The following TACC1 variants were observed in gnomAD, a reference collection of about 807,000 sequenced individuals.
TACC1 encodes the protein transforming acidic coiled-coil-containing protein 1.
TACC1 carries 48 observed loss-of-function variants against 84.4 expected under a neutral mutation model. That is an observed-to-expected ratio of 0.57 (90% CI 0.45 to 0.72). The LOEUF (loss-of-function observed/expected upper bound fraction) is 0.72. Among genes scored for constraint, TACC1 ranks in the 30% least tolerant of loss-of-function variants. The pLI, the probability that TACC1 is intolerant of heterozygous loss-of-function variation, is 0.00. For missense variants in TACC1, 920 were observed against 973.0 expected, an observed-to-expected ratio of 0.95 and a Z score of 0.72; for synonymous variants, 372 against 376.3, an observed-to-expected ratio of 0.99 and a Z score of 0.13.
At chr8:38,805,514 TTCAGTAC>T (rs1822471326) in intron 2 of TACC1, 1 of 152,362 alleles carries the variant, frequency 6.6e-6, no homozygotes, top group African/African-American at 2.4e-5. Context: ...TTTCCCCTGA[TTCAGTAC>T]TCAGCTGGTC....
chr8:38,757,952 G>T (rs1810441205), intron 3 of TACC1, among the ~76,000 whole-genome samples: 1 of 152,136 alleles, frequency 6.6e-6, no homozygotes, highest in East Asian at 1.9e-4. Context: ...CTTTTGTTCT[G>T]GGACAGCAAC....
intron 2 of TACC1, among the ~76,000 whole-genome samples, chr8:38,798,681 CTA>C (rs1462885949): frequency 1.3e-5 from 2 of 150,416 alleles, no homozygotes; most frequent in Admixed American, 1.3e-4. Flanking sequence ...CAGCTTAAAA[CTA>C]TGATGTACCT....
At chr8:38,799,385 C>G (rs955326129) in intron 2 of TACC1, among the ~76,000 whole-genome samples, 1 of 152,230 alleles carries the variant, frequency 6.6e-6, no homozygotes. Context: ...CTGTCTTGGA[C>G]GCTCAGTTTC....
rs562268974 is a variant in TACC1 at position 38,755,949 on chromosome 8, G to A, written c.26+10456G>A. On this transcript the variant is annotated intron_variant, in intron 3 of 14. Coordinates refer to the TACC1 transcript ENST00000518415. ...CCTGCCTCAGCCTCCTAAGTAGCTG[G>A]GATTACAGGCGTGTGCCACCATGCC... 3.3e-5 allele frequency among the ~76,000 whole-genome samples: 5 copies of A among 151,744 alleles called. No homozygotes were observed. In the East Asian group the frequency reaches 9.8e-4, roughly 30 times the overall value.
chr8:38,795,234 C>G (rs980320232), intron 2 of TACC1, among the ~76,000 whole-genome samples: 3 of 152,160 alleles, frequency 2.0e-5, no homozygotes, highest in African/African-American at 7.2e-5. Context: ...TGCAGAACCA[C>G]AGAGGAGCAA....
Position 38,848,198 on chromosome 8 carries a change from A to C in TACC1, c.*175A>C. ...GCTGCCAATGCAACAGCCCTGGAAG[A>C]AACCCTAGAGGGTTGCATAGTCTAG... On this transcript the variant is annotated 3_prime_UTR_variant, in exon 13 of 13. Coordinates refer to ENST00000317827, the MANE Select transcript of TACC1 (RefSeq NM_006283.3). 1.7e-6 allele frequency: 1 copy of C among 599,918 alleles called. No homozygotes were observed. The highest frequency in any genetic ancestry group is 2.3e-5 in the South Asian group (1 of 43,702). 37.2% of individuals were successfully genotyped at this position (599,918 alleles called of 1,614,324 possible). A position where few individuals can be genotyped will look rare whatever the true frequency, so the allele number is the denominator to read the frequency against.
At chr8:38,817,918 C>CT (rs2152186501) in intron 2 of TACC1, among the ~76,000 whole-genome samples, 1 of 63,106 alleles carries the variant, frequency 1.6e-5, no homozygotes, top group African/African-American at 7.8e-5. Context: ...TGAGAGACCC[C>CT]TAAAAAAAAA....
chr8:38,789,469 A>G (rs1818145680), intron 2 of TACC1, among the ~76,000 whole-genome samples: 1 of 152,354 alleles, frequency 6.6e-6, no homozygotes, highest in East Asian at 1.9e-4. Context: ...AATAGAGTGC[A>G]CTGTGATTCA....
intron 1 of TACC1, among the ~76,000 whole-genome samples, chr8:38,736,843 CTCTAAT>C (rs1806063320): frequency 6.6e-6 from 1 of 152,168 alleles, no homozygotes; most frequent in African/African-American, 2.4e-5. Flanking sequence ...GCTCCATACT[CTCTAAT>C]TCTCTTATCT....
intron 2 of TACC1, chr8:38,802,108 C>T (rs966516718): frequency 2.0e-5 from 3 of 152,240 alleles, no homozygotes; most frequent in African/African-American, 7.2e-5. Context: ...GAGGGTTTCC[C>T]TATGGTGCCC....
At chr8:38,729,533 T>C (rs2151586309) in intron 1 of TACC1, among the ~76,000 whole-genome samples, 1 of 152,356 alleles carries the variant, frequency 6.6e-6, no homozygotes, top group Admixed American at 6.5e-5. Context: ...ACATTTATTG[T>C]ATACATTTGT....
intron 3 of TACC1, among the ~76,000 whole-genome samples, chr8:38,777,199 T>C (rs1814976766): frequency 1.3e-5 from 2 of 148,910 alleles, no homozygotes; most frequent in Non-Finnish European, 3.0e-5. Flanking sequence ...GAGGTTGCAG[T>C]GAGCCGAGAT....
intron 3 of TACC1, among the ~76,000 whole-genome samples, chr8:38,778,173 T>A (rs1452464825): frequency 6.6e-6 from 1 of 152,154 alleles, no homozygotes; most frequent in Non-Finnish European, 1.5e-5. Context: ...CTCAAACTCC[T>A]GGGCTCAAGC....
rs1384248385 is a variant in TACC1, at chr8:38,842,313, T to G, written c.1987T>G (p.Ser663Ala). The G allele has an allele frequency of 6.2e-7, 1 of 1,613,784 alleles. No homozygotes were observed. Among genetic ancestry groups the G allele is most frequent in the Non-Finnish European group, 8.5e-7 (1 of 1,179,872 alleles). ...AGATGAACAAAGGACAAGTATGACC[T>G]CTCAGAAGAGCTTCCAGCAACTGAC... is the stretch of plus-strand genomic sequence containing the variant. The part of the protein sequence containing the change: ...IEDEQRTSMT[S>A]QKSFQQLTME... Residue 663 changes from serine to alanine, a missense_variant, in exon 10 of 13, where the codon TCT becomes GCT. Coordinates refer to ENST00000317827, the MANE Select transcript of TACC1 (RefSeq NM_006283.3).
chr8:38,783,403 T>C (rs1816527882), upstream of TACC1, among the ~76,000 whole-genome samples: 2 of 151,184 alleles, frequency 1.3e-5, no homozygotes, highest in Non-Finnish European at 2.9e-5. Flanking sequence ...TTAATCTTCC[T>C]GGAACTCTGA....
intron 2 of TACC1, among the ~76,000 whole-genome samples, chr8:38,790,785 C>T (rs957872238): frequency 8.5e-5 from 13 of 152,198 alleles, no homozygotes; most frequent in Non-Finnish European, 1.5e-4. Flanking sequence ...TGTGCTTACC[C>T]AGCTGAGAAT....
Position 38,851,707 on chromosome 8 carries a change from G to A in TACC1, c.*3684G>A, listed in dbSNP as rs563791558. On this transcript the variant is annotated 3_prime_UTR_variant, in exon 13 of 13. Transcript: ENST00000317827. The stretch of plus-strand genomic sequence containing the variant: ...CTTGCATTTCTGACTTTATCCTGTT[G>A]TTAGGAAGATAGAAACTAGGTTTTG... 10 of 312,896 alleles carry A rather than the reference G, an allele frequency of 3.2e-5. No homozygotes were observed. Among genetic ancestry groups the A allele is most frequent in the African/African-American group, 2.2e-4 (10 of 46,160 alleles). 19.4% of individuals were successfully genotyped at this position (312,896 alleles called of 1,614,324 possible).
At chr8:38,775,608 C>T (rs1814663497) in intron 3 of TACC1, among the ~76,000 whole-genome samples, 1 of 152,076 alleles carries the variant, frequency 6.6e-6, no homozygotes, top group Admixed American at 6.6e-5. Flanking sequence ...GGCGCTGACC[C>T]CAGGAAGAAC....
upstream of TACC1, chr8:38,785,572 C>CA (rs1587653497): frequency 2.2e-6 from 1 of 460,226 alleles, no homozygotes; most frequent in East Asian, 1.5e-4. Flanking sequence ...TGTCAGTCAC[C>CA]ACAGGGATGC....
Sources: gnomAD v4.1 joint callset for allele counts (sites outside exome capture counted in the v4.1 genomes callset) on GRCh38, gnomAD v4.1.1 for gene constraint, MANE v1.5 for transcripts, NCBI Gene and HGNC (gene_info 2026-07-23, HGNC 2026-07-21) for gene names.